TJP1: variants seen among roughly 807,000 people sequenced by gnomAD.
The protein encoded by TJP1 is tight junction protein 1, also known as tight junction protein ZO-1.
Under a neutral mutation model 194.2 loss-of-function variants are expected in TJP1, and 43 were observed. The ratio of observed to expected loss-of-function variants is 0.22; its 90% CI spans 0.17 to 0.29. The LOEUF is 0.29. TJP1 is among the 10% of genes least tolerant of loss of function. The probability of loss-of-function intolerance (pLI) is 1.00; values close to 1 mark genes in which losing one functional copy is unlikely to be tolerated. For synonymous variants in TJP1, 801 were observed against 779.0 expected, an observed-to-expected ratio of 1.03 and a Z score of -0.47; for missense variants, 1,971 against 2,185.7, an observed-to-expected ratio of 0.90 and a Z score of 1.96.
chr15:29,952,166 C>T (rs1397935050), intron 2 of TJP1, among the ~76,000 whole-genome samples: 2 of 152,188 alleles, frequency 1.3e-5, no homozygotes, highest in African/African-American at 4.8e-5. Flanking sequence ...AAAGAACCTG[C>T]CATCTGGTTT....
At chr15:29,775,117 T>C (rs916254748) in intron 2 of TJP1, among the ~76,000 whole-genome samples, 3 of 152,208 alleles carry the variant, frequency 2.0e-5, no homozygotes, top group African/African-American at 7.2e-5. Flanking sequence ...CTCCACGCCA[T>C]AGGGGCTCCC....
In TJP1 at chr15:29,761,284, T is replaced by C. The variant is rs778390312; in HGVS notation, c.865A>G (p.Ile289Val). ...GATGCCAGTGACTGAATTTCTGAAA[T>C]GTCTGTTAATAAAAGGGTGCTACTT... The part of the protein sequence containing the change: ...HSANASERDD[I>V]SEIQSLASDH... Residue 289 changes from isoleucine (I) to valine (V), a missense_variant and splice_region_variant, in exon 8 of 28, where the codon ATT becomes GTT. By Grantham distance (29) the Ile-to-Val change is conservative. Coordinates refer to ENST00000614355, the MANE Select transcript of TJP1 (RefSeq NM_001330239.4). 1 of 1,613,784 alleles carries C rather than the reference T, an allele frequency of 6.2e-7. No individual in the cohort carries two copies. The highest frequency in any genetic ancestry group is 1.3e-5 in the African/African-American group (1 of 74,920).
chr15:29,793,612 GAGAC>G (rs955356692), intron 2 of TJP1, among the ~76,000 whole-genome samples: 1 of 152,142 alleles, frequency 6.6e-6, no homozygotes, highest in Non-Finnish European at 1.5e-5. Flanking sequence ...GAGTAGGAGA[GAGAC>G]AGAGAGCAGG....
chr15:29,952,411 A>G (rs2055782738), intron 2 of TJP1, among the ~76,000 whole-genome samples: 1 of 152,170 alleles, frequency 6.6e-6, no homozygotes, highest in Non-Finnish European at 1.5e-5. Flanking sequence ...TGCCCATCCC[A>G]TTTAATCCCC....
chr15:29,749,707 C>T (rs961421062), intron 8 of TJP1, among the ~76,000 whole-genome samples: 4 of 152,170 alleles, frequency 2.6e-5, no homozygotes, highest in African/African-American at 4.8e-5. Context: ...AGCAAATTCT[C>T]GGCCACTCAG....
At chr15:29,881,999 G>A (rs886328977) in intron 2 of TJP1, among the ~76,000 whole-genome samples, 4 of 151,746 alleles carry the variant, frequency 2.6e-5, no homozygotes, top group African/African-American at 9.7e-5. Flanking sequence ...TGTTAGGGTG[G>A]TTTCAAAATT....
At chr15:29,784,702 C>T (rs528790063) in intron 2 of TJP1, among the ~76,000 whole-genome samples, 1 of 152,246 alleles carries the variant, frequency 6.6e-6, no homozygotes, top group South Asian at 2.1e-4. Context: ...TTTATGATCT[C>T]ATCCTAAGGA....
chr15:29,877,834 A>AT (rs1341390384), intron 2 of TJP1, among the ~76,000 whole-genome samples: 1 of 149,954 alleles, frequency 6.7e-6, no homozygotes, highest in Non-Finnish European at 1.5e-5. Flanking sequence ...CGCCTGGCTA[A>AT]TTTTTTGTAT....
At chr15:29,893,861 A>G (rs1250191412) in intron 2 of TJP1, among the ~76,000 whole-genome samples, 1 of 152,196 alleles carries the variant, frequency 6.6e-6, no homozygotes, top group Non-Finnish European at 1.5e-5. Flanking sequence ...AAACGATAAA[A>G]AAACAAAACT....
intron 24 of TJP1, 126 bp from the exon 25 acceptor site, chr15:29,709,162 CTT>C: frequency 1.2e-6 from 1 of 866,696 alleles, no homozygotes; most frequent in Non-Finnish European, 1.8e-6. Context: ...GAGCCTGACT[CTT>C]GAGCCCTGGA....
chr15:29,772,152 A>G lies in TJP1; in HGVS notation c.224T>C (p.Val75Ala). The stretch of plus-strand genomic sequence containing the variant: ...CATTGAAACTCCGTTAACCATTGCA[A>G]CTCGGTCATTTTCCCTAAGGGGAAA... ...AEGQLQENDR[V>A]AMVNGVSMDN... The change falls in exon 4 of 28, where the codon GTT becomes GCT. Residue 75 changes from valine (V) to alanine (A), a missense_variant. Physicochemically the swap from Val to Ala is moderately conservative, Grantham distance 64. This residue lies in a region of TJP1 where 245 missense variants were observed against 336.6 expected (regional missense o/e 0.73). Transcript: ENST00000614355. 6.2e-7 allele frequency: 1 copy of G among 1,601,254 alleles called. No individual in the cohort carries two copies. The highest frequency in any genetic ancestry group is 8.5e-7 in the Non-Finnish European group (1 of 1,176,002).
chr15:29,889,180 C>T (rs1268061946), intron 2 of TJP1, among the ~76,000 whole-genome samples: 1 of 152,158 alleles, frequency 6.6e-6, no homozygotes, highest in Non-Finnish European at 1.5e-5. Flanking sequence ...TTATAATATT[C>T]CAGGGGTCCT....
At chr15:29,735,880 G>A (rs1595693252) in intron 11 of TJP1, among the ~76,000 whole-genome samples, 1 of 152,260 alleles carries the variant, frequency 6.6e-6, no homozygotes, top group East Asian at 1.9e-4. Flanking sequence ...GATTCAATGA[G>A]AAAATGACAG....
intron 2 of TJP1, among the ~76,000 whole-genome samples, chr15:29,953,102 T>G (rs1157756968): frequency 6.7e-6 from 1 of 149,548 alleles, no homozygotes; most frequent in Non-Finnish European, 1.5e-5. Context: ...TTTTCAAATG[T>G]GTAGCCCCCC....
At chr15:29,832,214 G>A (rs1461295361) in intron 2 of TJP1, among the ~76,000 whole-genome samples, 3 of 152,060 alleles carry the variant, frequency 2.0e-5, no homozygotes, top group East Asian at 1.9e-4. Context: ...GCATTGGGGC[G>A]GCTGAGAGCC....
At chr15:29,952,862 T>G (rs2055801056) in intron 2 of TJP1, among the ~76,000 whole-genome samples, 2 of 152,120 alleles carry the variant, frequency 1.3e-5, no homozygotes, top group Admixed American at 6.5e-5. Context: ...GTAAGAACAT[T>G]TACAAAGTGG....
intron 2 of TJP1, among the ~76,000 whole-genome samples, chr15:29,787,888 T>A (rs1170649251): frequency 2.0e-5 from 3 of 152,190 alleles, no homozygotes; most frequent in Non-Finnish European, 4.4e-5. Context: ...TATGAGGAAT[T>A]CTCAAACTGT....
At chr15:29,763,915 A>G (rs1478250307) in intron 5 of TJP1, among the ~76,000 whole-genome samples, 1 of 152,216 alleles carries the variant, frequency 6.6e-6, no homozygotes, top group Non-Finnish European at 1.5e-5. Context: ...CCATATGGTC[A>G]TTACATCACA....
At chr15:29,793,909 T>C (rs2048248734) in intron 2 of TJP1, among the ~76,000 whole-genome samples, 1 of 152,220 alleles carries the variant, frequency 6.6e-6, no homozygotes, top group Non-Finnish European at 1.5e-5. Context: ...TTAAGGATTT[T>C]GCATCTCTGT....
Sources: allele counts gnomAD v4.1 joint callset (sites outside exome capture counted in the v4.1 genomes callset), GRCh38; gene constraint gnomAD v4.1.1; regional missense constraint gnomAD v4.1.1; transcripts MANE v1.5; gene names NCBI Gene and HGNC (gene_info 2026-07-23, HGNC 2026-07-21).